CTNNA2: variants seen among roughly 807,000 people sequenced by gnomAD.
The protein encoded by CTNNA2 is catenin alpha-2.
In CTNNA2, 42 loss-of-function variants were observed where a neutral mutation model predicts 101.0. The observed-to-expected ratio is 0.42, with a 90% CI of 0.32 to 0.54. The LOEUF (loss-of-function observed/expected upper bound fraction) is 0.54, where lower values mean the gene tolerates loss of function less well. Among genes scored for constraint, CTNNA2 ranks in the 20% least tolerant of loss-of-function variants. CTNNA2 has a pLI of 0.14. For synonymous variants in CTNNA2, 450 were observed against 456.4 expected, an observed-to-expected ratio of 0.99 and a Z score of 0.18; for missense variants, 871 against 1,223.1, an observed-to-expected ratio of 0.71 and a Z score of 4.29.
chr2:79,442,169 T>A (rs1678784864), intron 4 of CTNNA2, among the ~76,000 whole-genome samples: 1 of 152,222 alleles, frequency 6.6e-6, no homozygotes, highest in South Asian at 2.1e-4. Context: ...ATGTATTTTA[T>A]TATTTTATCC....
At chr2:79,996,376 C>G (rs962092237) in intron 7 of CTNNA2, among the ~76,000 whole-genome samples, 3 of 152,118 alleles carry the variant, frequency 2.0e-5, no homozygotes, top group African/African-American at 4.8e-5. Context: ...TCCGCACTGA[C>G]TGAGTGAGAA....
chr2:80,124,801 A>G (rs529669701), intron 7 of CTNNA2, among the ~76,000 whole-genome samples: 2 of 152,150 alleles, frequency 1.3e-5, no homozygotes, highest in Non-Finnish European at 2.9e-5. Flanking sequence ...AATCTTTGAG[A>G]GTCCTCAAAG....
chr2:80,106,711 G>A (rs1377254489), intron 7 of CTNNA2, among the ~76,000 whole-genome samples: 1 of 152,100 alleles, frequency 6.6e-6, no homozygotes, highest in Non-Finnish European at 1.5e-5. Flanking sequence ...AGGAAATTCT[G>A]GAGCCTGCCA....
chr2:79,311,067 A>T (rs1356223567), intron 2 of CTNNA2, among the ~76,000 whole-genome samples: 2 of 152,220 alleles, frequency 1.3e-5, no homozygotes, highest in Admixed American at 6.5e-5. Context: ...GCCCAACAGT[A>T]GGAAGCTCTA....
chr2:79,969,207 A>C (rs556672811), intron 7 of CTNNA2, among the ~76,000 whole-genome samples: 19 of 152,324 alleles, frequency 1.2e-4, no homozygotes, highest in South Asian at 6.2e-4. Context: ...ACAACAACAA[A>C]AAAATTTTAA....
At chr2:79,266,757 A>C (rs149077000) in intron 2 of CTNNA2, among the ~76,000 whole-genome samples, 1 of 152,200 alleles carries the variant, frequency 6.6e-6, no homozygotes, top group African/African-American at 2.4e-5. Flanking sequence ...TATCACCAGC[A>C]TTTGAGAGAT....
At chr2:80,226,900 A>AC (rs1263971398) in intron 7 of CTNNA2, among the ~76,000 whole-genome samples, 2 of 151,540 alleles carry the variant, frequency 1.3e-5, no homozygotes, top group African/African-American at 4.8e-5. Context: ...CCCGAGTGTC[A>AC]CCCCCCTTCA....
intron 1 of CTNNA2, among the ~76,000 whole-genome samples, chr2:79,641,233 C>T (rs1349583749): frequency 6.6e-6 from 1 of 152,012 alleles, no homozygotes. Flanking sequence ...TTAGTTTGGG[C>T]TAAATTTTAC....
rs1558635789 is a variant in CTNNA2, at chr2:80,604,004, A to G, written c.2190-70A>G. 4 of 1,309,338 alleles carry G rather than the reference A, an allele frequency of 3.1e-6. No homozygotes were observed. In the East Asian group the frequency reaches 9.7e-5, roughly 32 times the overall value. The allele number at this position is 1,309,338 out of a possible 1,614,324, so 81.1% of individuals were successfully genotyped here. ...AATACAACACTAGACTCCTGGACAA[A>G]GGATATGGTAGGTTGGTCTCTTTCC... On this transcript the variant is annotated intron_variant, in intron 15 of 18. Transcript: ENST00000402739.
chr2:79,772,405 C>T (rs1673653819), intron 3 of CTNNA2, among the ~76,000 whole-genome samples: 1 of 152,090 alleles, frequency 6.6e-6, no homozygotes, highest in African/African-American at 2.4e-5. Flanking sequence ...TGCAAAAATA[C>T]AGTACCTTAG....
At chr2:79,759,023 A>T (rs1228124557) in intron 3 of CTNNA2, among the ~76,000 whole-genome samples, 1 of 152,190 alleles carries the variant, frequency 6.6e-6, no homozygotes, top group Non-Finnish European at 1.5e-5. Flanking sequence ...AATTATGGAG[A>T]TGTCAACCCA....
intron 2 of CTNNA2, among the ~76,000 whole-genome samples, chr2:79,225,346 C>G (rs1437390638): frequency 3.3e-5 from 5 of 152,112 alleles, no homozygotes; most frequent in Non-Finnish European, 7.4e-5. Flanking sequence ...ACAGTAGTAT[C>G]TGGGATTTTA....
chr2:79,469,363 G>A (rs973733896), intron 4 of CTNNA2, among the ~76,000 whole-genome samples: 3 of 152,036 alleles, frequency 2.0e-5, no homozygotes, highest in South Asian at 2.1e-4. Flanking sequence ...CCAATAACAG[G>A]CTCTGAAATT....
chr2:79,369,525 T>A (rs1677824025), intron 3 of CTNNA2, among the ~76,000 whole-genome samples: 1 of 152,132 alleles, frequency 6.6e-6, no homozygotes, highest in Non-Finnish European at 1.5e-5. Context: ...TGACTGCTCT[T>A]CCAGTGTGGC....
chr2:79,520,080 C>A (rs1672022658), intron 1 of CTNNA2, among the ~76,000 whole-genome samples: 2 of 152,212 alleles, frequency 1.3e-5, no homozygotes, highest in Admixed American at 1.3e-4. Flanking sequence ...TCCTACCAAT[C>A]CAGCTCCAAA....
chr2:80,303,497 G>A lies in CTNNA2; in HGVS notation c.1057-89714G>A. ...CTTAACTCGGCGCAGTTTCTGAAAG[G>A]CGTCCCCCTGCACGGAGCAGATGTG... On this transcript the variant is annotated intron_variant, in intron 7 of 18. Transcript: ENST00000402739. The surrounding 1 kb of genome is among the most constrained non-coding windows in gnomAD (Gnocchi z 7.7). The A allele has an allele frequency of 2.5e-6, 4 of 1,614,250 alleles. No homozygotes were observed. Among genetic ancestry groups the A allele is most frequent in the Non-Finnish European group, 3.4e-6 (4 of 1,180,044 alleles).
At chr2:79,652,249 T>C (rs1258172421) in intron 2 of CTNNA2, among the ~76,000 whole-genome samples, 1 of 152,044 alleles carries the variant, frequency 6.6e-6, no homozygotes, top group Non-Finnish European at 1.5e-5. Flanking sequence ...TTTTTTTTTT[T>C]TTTTTACCAA....
At chr2:79,341,163 A>G (rs540394892) in intron 3 of CTNNA2, among the ~76,000 whole-genome samples, 1 of 152,294 alleles carries the variant, frequency 6.6e-6, no homozygotes, top group South Asian at 2.1e-4. Context: ...CAACTCAGCT[A>G]TTTCTGATCG....
intron 18 of CTNNA2, among the ~76,000 whole-genome samples, chr2:80,638,792 A>G (rs868127800): frequency 6.6e-6 from 1 of 152,368 alleles, no homozygotes; most frequent in Middle Eastern, 3.4e-3. Context: ...ATGAAGCACT[A>G]CTACCTATGT....
Sources: allele counts gnomAD v4.1 joint callset (sites outside exome capture counted in the v4.1 genomes callset), GRCh38; gene constraint gnomAD v4.1.1; non-coding constraint Gnocchi (gnomAD v3.1); transcripts MANE v1.5; gene names NCBI Gene and HGNC (gene_info 2026-07-23, HGNC 2026-07-21).